FARS2: variants seen among roughly 807,000 people sequenced by gnomAD.
FARS2 encodes the protein phenylalanyl-tRNA synthetase 2, mitochondrial.
Under a neutral mutation model 46.4 loss-of-function variants are expected in FARS2, and 40 were observed. The ratio of observed to expected loss-of-function variants is 0.86; its 90% CI spans 0.67 to 1.12. The LOEUF (loss-of-function observed/expected upper bound fraction) is 1.12, where lower values mean the gene tolerates loss of function less well. FARS2 is among the 50% of genes most tolerant of loss of function. The pLI, the probability that FARS2 is intolerant of heterozygous loss-of-function variation, is 0.00. For synonymous variants in FARS2, 234 were observed against 214.9 expected (o/e 1.09, Z -0.78); for missense variants, 513 against 567.9 (o/e 0.90, Z 0.98).
intron 6 of FARS2, among the ~76,000 whole-genome samples, chr6:5,675,184 T>G (rs1778695299): frequency 1.4e-5 from 2 of 147,670 alleles, no homozygotes; most frequent in African/African-American, 5.0e-5. Flanking sequence ...TAAAAATGCG[T>G]TATATTTGCA....
chr6:5,254,320 GCTTC>G, the FARS2 span, among the ~76,000 whole-genome samples: 3 of 152,298 alleles, frequency 2.0e-5, no homozygotes, highest in African/African-American at 7.2e-5. Context: ...TAGGGAAAAC[GCTTC>G]CTTGACTAGC....
chr6:5,574,842 G>A (rs1162294945), intron 5 of FARS2, among the ~76,000 whole-genome samples: 1 of 152,072 alleles, frequency 6.6e-6, no homozygotes, highest in Non-Finnish European at 1.5e-5. Context: ...TGCAGATAAC[G>A]AAACCTGTAC....
intron 6 of FARS2, among the ~76,000 whole-genome samples, chr6:5,757,777 G>T (rs1762284397): frequency 6.6e-6 from 1 of 152,200 alleles, no homozygotes; most frequent in African/African-American, 2.4e-5. Context: ...TCCAATCACA[G>T]CCAGTGAGAT....
rs1416174957 is a variant in FARS2, at chr6:5,352,397, G to A, written c.-21-16153G>A. Among the ~76,000 whole-genome samples the A allele has an allele frequency of 4.6e-5, 7 of 151,808 alleles. No homozygotes were observed. The East Asian group carries it at 5.8e-4, about 13-fold the overall frequency. ...AATCTTAAACTCTAACTTGAAGTAC[G>A]TCATGCCCACTCTGCTCAGGTGTGT... On this transcript the variant is annotated intron_variant, in intron 1 of 6. Coordinates refer to ENST00000274680, the MANE Select transcript of FARS2 (RefSeq NM_006567.5).
chr6:5,373,787 G>A (rs528183496), intron 2 of FARS2, among the ~76,000 whole-genome samples: 1 of 152,010 alleles, frequency 6.6e-6, no homozygotes, highest in East Asian at 1.9e-4. Flanking sequence ...CTTGAGAAGC[G>A]CTGCTCTATG....
intron 1 of FARS2, among the ~76,000 whole-genome samples, chr6:5,282,262 G>T (rs1010944227): frequency 1.3e-5 from 2 of 152,212 alleles, no homozygotes; most frequent in African/African-American, 4.8e-5. Flanking sequence ...AACAGAGCAG[G>T]GCATGCAGCC....
intron 1 of FARS2, among the ~76,000 whole-genome samples, chr6:5,307,764 G>A (rs1581743924): frequency 1.3e-5 from 2 of 151,920 alleles, no homozygotes; most frequent in South Asian, 4.2e-4. Context: ...CCTTGAAGTT[G>A]TAGTGGTTAG....
intron 5 of FARS2, among the ~76,000 whole-genome samples, chr6:5,561,984 CTGATTT>C (rs1190244118): frequency 6.6e-6 from 1 of 151,812 alleles, no homozygotes; most frequent in Non-Finnish European, 1.5e-5. Context: ...TAATTTCTGT[CTGATTT>C]TGTTTCCTAA....
rs143176352 is a variant in FARS2, at chr6:5,524,539, G to A, written c.905-20641G>A. 2.4e-4 allele frequency among the ~76,000 whole-genome samples: 37 copies of A among 151,678 alleles called. 1 individual carries two copies. The East Asian group carries it at 5.9e-3, about 24-fold the overall frequency. On this transcript the variant is annotated intron_variant, in intron 4 of 6. Coordinates refer to ENST00000274680, the MANE Select transcript of FARS2 (RefSeq NM_006567.5). ...CAGAGCATGTTCATTGCTACTTGAC[G>A]TGTTGGCATCTACACAGAGCTGTCT...
intron 2 of FARS2, among the ~76,000 whole-genome samples, chr6:5,389,445 T>G (rs1760346883): frequency 6.6e-6 from 1 of 152,172 alleles, no homozygotes; most frequent in Non-Finnish European, 1.5e-5. Context: ...ACTGAAACGA[T>G]TTTGTTTGGC....
At chr6:5,324,193 T>G (rs1183424628) in intron 1 of FARS2, among the ~76,000 whole-genome samples, 1 of 152,234 alleles carries the variant, frequency 6.6e-6, no homozygotes, top group Non-Finnish European at 1.5e-5. Flanking sequence ...TCGTGTTTCT[T>G]TCCTCTTATT....
At chr6:5,476,210 A>G (rs1400851894) in intron 4 of FARS2, among the ~76,000 whole-genome samples, 3 of 152,182 alleles carry the variant, frequency 2.0e-5, no homozygotes, top group Admixed American at 6.5e-5. Context: ...GAGAACCAGG[A>G]TATGGATGGA....
At chr6:5,393,778 C>T (rs914435718) in intron 2 of FARS2, among the ~76,000 whole-genome samples, 8 of 152,200 alleles carry the variant, frequency 5.3e-5, no homozygotes, top group Non-Finnish European at 1.0e-4. Flanking sequence ...CCTCTTTGAC[C>T]GTGGGTATTA....
At chr6:5,290,571 T>A (rs191993075) in intron 1 of FARS2, among the ~76,000 whole-genome samples, 1 of 152,370 alleles carries the variant, frequency 6.6e-6, no homozygotes, top group African/African-American at 2.4e-5. Flanking sequence ...GCTCAGTTTT[T>A]CTACTTGAAG....
At chr6:5,702,969 G>T (rs1022583350) in intron 6 of FARS2, among the ~76,000 whole-genome samples, 1 of 152,190 alleles carries the variant, frequency 6.6e-6, no homozygotes. Flanking sequence ...AACTCCCACA[G>T]GCCCTGCTTT....
intron 6 of FARS2, among the ~76,000 whole-genome samples, chr6:5,747,558 C>G (rs563991315): frequency 6.6e-6 from 1 of 152,296 alleles, no homozygotes; most frequent in African/African-American, 2.4e-5. Context: ...CACAGGCCAA[C>G]CCCAGTACGA....
intron 2 of FARS2, among the ~76,000 whole-genome samples, chr6:5,371,720 T>G (rs1283095497): frequency 3.2e-4 from 49 of 152,020 alleles, no homozygotes; most frequent in Non-Finnish European, 1.5e-5. Context: ...AATGTATACA[T>G]TGCAAACAGT....
intron 6 of FARS2, among the ~76,000 whole-genome samples, chr6:5,649,996 AG>A (rs1777268972): frequency 6.6e-6 from 1 of 152,216 alleles, no homozygotes; most frequent in Non-Finnish European, 1.5e-5. Flanking sequence ...GGAAAGGTTC[AG>A]GTGACAATCG....
At chr6:5,652,775 C>T (rs966902238) in intron 6 of FARS2, among the ~76,000 whole-genome samples, 6 of 152,198 alleles carry the variant, frequency 3.9e-5, no homozygotes, top group Non-Finnish European at 4.4e-5. Context: ...GCACCTCCCG[C>T]GGCTGTGGGA....
Sources: allele counts gnomAD v4.1 joint callset (sites outside exome capture counted in the v4.1 genomes callset), GRCh38; gene constraint gnomAD v4.1.1; transcripts MANE v1.5; gene names NCBI Gene and HGNC (gene_info 2026-07-23, HGNC 2026-07-21).